PHTF2: variants seen among roughly 807,000 people sequenced by gnomAD.
PHTF2 encodes the protein putative homeodomain transcription factor 2, also known as protein PHTF2.
A neutral mutation model predicts 101.2 loss-of-function variants in PHTF2; 60 were observed. That is an observed-to-expected ratio of 0.59 (90% confidence interval 0.48 to 0.73). The LOEUF (loss-of-function observed/expected upper bound fraction) is 0.73. Ranked by LOEUF, PHTF2 falls within the 30% of genes least tolerant of loss-of-function variation. The pLI is 0.00. For synonymous variants in PHTF2, 311 were observed against 307.3 expected (o/e 1.01, Z -0.13); for missense variants, 747 against 908.7 (o/e 0.82, Z 2.29).
intron 3 of PHTF2, among the ~76,000 whole-genome samples, chr7:77,883,734 C>T (rs1799593722): frequency 6.6e-6 from 1 of 152,112 alleles, no homozygotes; most frequent in African/African-American, 2.4e-5. Context: ...ACCTTCTCCC[C>T]ACACCTTTCT....
At chr7:77,881,084 C>G (rs949641841) in intron 3 of PHTF2, among the ~76,000 whole-genome samples, 1 of 152,118 alleles carries the variant, frequency 6.6e-6, no homozygotes, top group Admixed American at 6.5e-5. Flanking sequence ...TCCCCAAACT[C>G]CCCAGCTTCC....
intron 11 of PHTF2, chr7:77,923,160 C>T (rs2150921022): frequency 1.0e-6 from 1 of 964,848 alleles, no homozygotes; most frequent in African/African-American, 1.8e-5. Context: ...ATTGCTGTCA[C>T]CAGTTATTAA....
intron 1 of PHTF2, among the ~76,000 whole-genome samples, chr7:77,801,036 C>G (rs1308260737): frequency 3.3e-5 from 5 of 152,136 alleles, no homozygotes; most frequent in Admixed American, 1.3e-4. Context: ...TAAATTGAAT[C>G]CACTATTGTA....
At chr7:77,842,731 CAG>C (rs1795987291) in intron 2 of PHTF2, among the ~76,000 whole-genome samples, 1 of 152,272 alleles carries the variant, frequency 6.6e-6, no homozygotes, top group African/African-American at 2.4e-5. Context: ...GGGTGGGAGT[CAG>C]AGATACAAAA....
rs71082798 is a variant in PHTF2, at chr7:77,947,837, C to CTTTTTTTTTTTTTTTTTTTTTTTTTTT, written c.1960-1823_1960-1822insTTTTTTTTTTTTTTTTTTTTTTTTTTT. Among the ~76,000 whole-genome samples the CTTTTTTTTTTTTTTTTTTTTTTTTTTT allele has an allele frequency of 3.8e-4, 28 of 73,802 alleles. 3 individuals are homozygous for CTTTTTTTTTTTTTTTTTTTTTTTTTTT. The highest frequency in any genetic ancestry group is 8.0e-4 in the African/African-American group (14 of 17,474). The allele number at this position is 73,802 out of a possible 152,430, so 48.4% of individuals were successfully genotyped here. ...TTATTTTCTTTTTTCTTTTTTCTTT[C>CTTTTTTTTTTTTTTTTTTTTTTTTTTT]TTTTTTTTTTTTTTTTTTGAGACAG... is the stretch of plus-strand genomic sequence containing the variant. On this transcript the variant is annotated intron_variant, in intron 16 of 19. Transcript: ENST00000416283.
intron 11 of PHTF2, chr7:77,924,239 T>TTAA: frequency 5.6e-6 from 3 of 539,534 alleles, no homozygotes; most frequent in Non-Finnish European, 7.1e-6. Flanking sequence ...TTTTATAAAT[T>TTAA]ACTGTACTCT....
At chr7:77,799,386 C>T (rs937788366) in intron 1 of PHTF2, among the ~76,000 whole-genome samples, 1 of 152,126 alleles carries the variant, frequency 6.6e-6, no homozygotes, top group African/African-American at 2.4e-5. Flanking sequence ...GGGTGGCTAG[C>T]CCGGCTGGCG....
chr7:77,889,920 CA>C (rs1365931512), intron 3 of PHTF2, among the ~76,000 whole-genome samples: 1 of 151,988 alleles, frequency 6.6e-6, no homozygotes, highest in Admixed American at 6.6e-5. Flanking sequence ...ATTTCCAAAA[CA>C]GAAGAAGTCT....
chr7:77,844,217 C>T (rs1796100315), intron 2 of PHTF2, among the ~76,000 whole-genome samples: 1 of 152,096 alleles, frequency 6.6e-6, no homozygotes, highest in South Asian at 2.1e-4. Context: ...TGGTCTCAAA[C>T]TTCTGGCCTC....
exon 18 of PHTF2, chr7:77,951,647 C>A: frequency 6.8e-7 from 1 of 1,464,332 alleles, no homozygotes; most frequent in Admixed American, 2.2e-5. Flanking sequence ...GGAGAAAAAA[C>A]CTAACAAAAA....
chr7:77,865,930 TC>T (rs776758137), intron 3 of PHTF2, among the ~76,000 whole-genome samples: 5 of 152,136 alleles, frequency 3.3e-5, no homozygotes, highest in Non-Finnish European at 5.9e-5. Flanking sequence ...ATGCCTGTAA[TC>T]CCAGTACTTT....
In PHTF2 at chr7:77,942,804, A is replaced by C; in HGVS notation, c.1959+18A>C. On this transcript the variant is annotated intron_variant, in intron 16 of 19. Transcript: ENST00000416283. ...GTGCCCAGGTGAGTTAACTCGCTCC[A>C]TGTAGAAATTAACCAGATATATAAA... 8.1e-7 allele frequency: 1 copy of C among 1,237,036 alleles called. No homozygotes were observed. The highest frequency in any genetic ancestry group is 1.2e-6 in the Non-Finnish European group (1 of 865,896). The allele number at this position is 1,237,036 out of a possible 1,614,324, so 76.6% of individuals were successfully genotyped here.
intron 3 of PHTF2, among the ~76,000 whole-genome samples, chr7:77,892,095 G>A (rs1283676243): frequency 6.6e-6 from 1 of 152,182 alleles, no homozygotes; most frequent in African/African-American, 2.4e-5. Flanking sequence ...GGCTAATGCG[G>A]TGAAACACCG....
At chr7:77,877,783 A>T (rs1799070408) in intron 3 of PHTF2, among the ~76,000 whole-genome samples, 1 of 152,136 alleles carries the variant, frequency 6.6e-6, no homozygotes, top group African/African-American at 2.4e-5. Flanking sequence ...AGGGCCCCTT[A>T]GCATCAGGAT....
At chr7:77,905,268 C>T (rs1207883626) in intron 7 of PHTF2, among the ~76,000 whole-genome samples, 4 of 152,272 alleles carry the variant, frequency 2.6e-5, no homozygotes, top group African/African-American at 9.6e-5. Flanking sequence ...CTTTGTTGCT[C>T]AGGCTGGAGT....
Position 77,848,005 on chromosome 7 carries a change from C to G in PHTF2, c.46-6728C>G, listed in dbSNP as rs181399915. ...CTTATTTCACTTAATATAATGTCCTCCAGTTCCATTCATGTTGTTGCACAT... is the reference window on the plus strand; with the variant it reads ...CTTATTTCACTTAATATAATGTCCTGCAGTTCCATTCATGTTGTTGCACAT... On this transcript the variant is annotated intron_variant, in intron 2 of 19. Coordinates refer to ENST00000416283, the Ensembl canonical transcript of PHTF2. Among the ~76,000 whole-genome samples, 9 of 152,268 alleles carry G rather than the reference C, an allele frequency of 5.9e-5. No homozygotes were observed. In the East Asian group the frequency reaches 1.2e-3, roughly 20 times the overall value.
chr7:77,932,621 AGTGT>A (rs56005414), intron 12 of PHTF2, among the ~76,000 whole-genome samples: 1,608 of 118,536 alleles, frequency 0.014, 11 homozygotes, highest in Middle Eastern at 0.027. Flanking sequence ...AGAGAGAGAG[AGTGT>A]GTGTGTGTGT....
chr7:77,934,377 C>T (rs1306210470), intron 12 of PHTF2, among the ~76,000 whole-genome samples: 1 of 152,164 alleles, frequency 6.6e-6, no homozygotes, highest in Non-Finnish European at 1.5e-5. Context: ...AAGCTATATT[C>T]AGCTGAAATT....
chr7:77,877,049 T>G (rs1435994831), intron 3 of PHTF2, among the ~76,000 whole-genome samples: 1 of 152,166 alleles, frequency 6.6e-6, no homozygotes, highest in African/African-American at 2.4e-5. Context: ...TCTGTTTGAT[T>G]TAAATAAGAT....
Sources: allele counts gnomAD v4.1 joint callset (sites outside exome capture counted in the v4.1 genomes callset), GRCh38; gene constraint gnomAD v4.1.1; transcripts MANE v1.5; gene names NCBI Gene and HGNC (gene_info 2026-07-23, HGNC 2026-07-21).